ATXN7L1: variants seen among roughly 807,000 people sequenced by gnomAD.
ATXN7L1 encodes ataxin 7 like 1, also known as ataxin-7-like protein 1.
Under a neutral mutation model 70.8 loss-of-function variants are expected in ATXN7L1, and 15 were observed. The ratio of observed to expected loss-of-function variants is 0.21; its 90% CI spans 0.14 to 0.33. The LOEUF (loss-of-function observed/expected upper bound fraction) is 0.33, where lower values mean the gene tolerates loss of function less well. Among genes scored for constraint, ATXN7L1 ranks in the 10% least tolerant of loss-of-function variants. The pLI, the probability that ATXN7L1 is intolerant of heterozygous loss-of-function variation, is 1.00. For missense variants in ATXN7L1, 975 were observed against 1,097.1 expected, an observed-to-expected ratio of 0.89 and a Z score of 1.57; for synonymous variants, 440 against 445.1, an observed-to-expected ratio of 0.99 and a Z score of 0.14.
intron 3 of ATXN7L1, among the ~76,000 whole-genome samples, chr7:105,770,170 A>T (rs1217336831): frequency 6.6e-6 from 1 of 152,218 alleles, no homozygotes; most frequent in African/African-American, 2.4e-5. Flanking sequence ...CTTACGGCAA[A>T]AGCCTGCCTG....
intron 2 of ATXN7L1, among the ~76,000 whole-genome samples, chr7:105,867,081 C>T (rs570283053): frequency 4.1e-4 from 63 of 152,304 alleles, no homozygotes; most frequent in African/African-American, 7.2e-4. Context: ...GCAGCAGAGA[C>T]GGCAGGCCCC....
chr7:105,629,707 G>T (rs1467474346), intron 7 of ATXN7L1, among the ~76,000 whole-genome samples: 1 of 151,560 alleles, frequency 6.6e-6, no homozygotes, highest in South Asian at 2.1e-4. Context: ...TAGTAGAGAT[G>T]GGATTAAGCC....
chr7:105,715,694 A>G (rs540663269), intron 3 of ATXN7L1, among the ~76,000 whole-genome samples: 1 of 152,362 alleles, frequency 6.6e-6, no homozygotes, highest in African/African-American at 2.4e-5. Context: ...TTTTGTTCTC[A>G]TCTCTGTGAC....
At chr7:105,820,343 G>A (rs551098226) in intron 2 of ATXN7L1, among the ~76,000 whole-genome samples, 5 of 152,124 alleles carry the variant, frequency 3.3e-5, no homozygotes, top group Non-Finnish European at 7.4e-5. Context: ...TGACTTTCTA[G>A]AGCGCAAGGC....
chr7:105,625,301 A>G (rs1180659317), intron 7 of ATXN7L1, among the ~76,000 whole-genome samples: 1 of 152,190 alleles, frequency 6.6e-6, no homozygotes, highest in Admixed American at 6.5e-5. Flanking sequence ...CCCAGGCTGG[A>G]GTACAGTGGT....
At chr7:105,758,792 T>C (rs919524258) in intron 3 of ATXN7L1, among the ~76,000 whole-genome samples, 28 of 152,380 alleles carry the variant, frequency 1.8e-4, no homozygotes, top group Admixed American at 1.8e-3. Flanking sequence ...GCCTTAGCCT[T>C]CCTTCTTAGC....
chr7:105,644,879 C>T (rs1798757797), intron 4 of ATXN7L1, among the ~76,000 whole-genome samples: 2 of 152,212 alleles, frequency 1.3e-5, no homozygotes, highest in Admixed American at 6.5e-5. Flanking sequence ...CCCAAGTGTC[C>T]ATCAATGGAT....
chr7:105,829,969 C>A (rs1467947664), intron 2 of ATXN7L1, among the ~76,000 whole-genome samples: 1 of 152,194 alleles, frequency 6.6e-6, no homozygotes, highest in East Asian at 1.9e-4. Flanking sequence ...TGGGGGCAAG[C>A]CTTCTAAGTA....
chr7:105,660,674 C>T (rs1404158508), intron 4 of ATXN7L1, among the ~76,000 whole-genome samples: 1 of 150,658 alleles, frequency 6.6e-6, no homozygotes, highest in Non-Finnish European at 1.5e-5. Flanking sequence ...CCTCCGCCTC[C>T]AGGGTTCAAG....
At chr7:105,838,767 CG>C (rs1321665022) in intron 2 of ATXN7L1, among the ~76,000 whole-genome samples, 1 of 152,172 alleles carries the variant, frequency 6.6e-6, no homozygotes. Flanking sequence ...GGAAATGACC[CG>C]AACTCCTGGA....
At chr7:105,671,047 C>T (rs1167263524) in intron 3 of ATXN7L1, among the ~76,000 whole-genome samples, 3 of 144,246 alleles carry the variant, frequency 2.1e-5, no homozygotes, top group Admixed American at 7.4e-5. Flanking sequence ...GCAGAGCTTG[C>T]AGTGAGCCAA....
At chr7:105,619,140 G>GTTTTTATTTTTTTTTTTTTT (rs1794384009) in intron 9 of ATXN7L1, among the ~76,000 whole-genome samples, 1 of 49,846 alleles carries the variant, frequency 2.0e-5, no homozygotes, top group Non-Finnish European at 3.3e-5. Flanking sequence ...GAAATCTTTA[G>GTTTTTATTTTTTTTTTTTTT]TTTTTTTTTT....
At chr7:105,828,658 C>A (rs2116581066) in intron 2 of ATXN7L1, among the ~76,000 whole-genome samples, 1 of 152,206 alleles carries the variant, frequency 6.6e-6, no homozygotes, top group African/African-American at 2.4e-5. Context: ...TTTTTCCATG[C>A]AAAAAGTTTC....
chr7:105,692,148 T>C (rs1056845724), intron 3 of ATXN7L1, among the ~76,000 whole-genome samples: 2 of 151,942 alleles, frequency 1.3e-5, no homozygotes, highest in Non-Finnish European at 2.9e-5. Flanking sequence ...TGGGTAGTTT[T>C]CAGAGAGAAC....
chr7:105,614,985 A>T lies in ATXN7L1; in HGVS notation c.1518-169T>A, dbSNP rs1793655650. On this transcript the variant is annotated intron_variant, in intron 9 of 11. Coordinates refer to ENST00000419735, the MANE Select transcript of ATXN7L1 (RefSeq NM_020725.2). This position sits in a 1 kb window ranked among gnomAD's most constrained non-coding sequence, Gnocchi z 4.3. ...AGAATCTGAAGCATGGCCCCTCCTT[A>T]TGGCACCCCCCATTGCAACATCCAG... is the stretch of plus-strand genomic sequence containing the variant. 6.6e-6 allele frequency among the ~76,000 whole-genome samples: 1 copy of T among 152,056 alleles called. No homozygotes were observed. Among genetic ancestry groups the T allele is most frequent in the African/African-American group, 2.4e-5 (1 of 41,406 alleles).
intron 3 of ATXN7L1, among the ~76,000 whole-genome samples, chr7:105,677,537 GT>G (rs1804870801): frequency 1.3e-5 from 2 of 152,194 alleles, no homozygotes; most frequent in South Asian, 4.1e-4. Context: ...TTAGCACAGG[GT>G]TTTGCCCTCA....
intron 3 of ATXN7L1, among the ~76,000 whole-genome samples, chr7:105,731,434 CT>C (rs34234302): frequency 0.08 from 10,676 of 134,126 alleles, 305 homozygotes; most frequent in South Asian, 0.15. Flanking sequence ...CTTCTTACTC[CT>C]TTTTTTTTTT....
intron 3 of ATXN7L1, chr7:105,788,079 C>T (rs1804580856): frequency 6.5e-6 from 1 of 153,074 alleles, no homozygotes; most frequent in Admixed American, 6.4e-5. Flanking sequence ...AGTTCCCAAC[C>T]CCACCTGGGA....
chr7:105,688,101 C>T (rs548472569), intron 3 of ATXN7L1, among the ~76,000 whole-genome samples: 30 of 152,200 alleles, frequency 2.0e-4, no homozygotes, highest in East Asian at 1.9e-3. Context: ...TTGTTGTTGC[C>T]GGCTAGACCA....
Sources: gnomAD v4.1 joint callset for allele counts (sites outside exome capture counted in the v4.1 genomes callset) on GRCh38, gnomAD v4.1.1 for gene constraint, Gnocchi (gnomAD v3.1) non-coding constraint, MANE v1.5 for transcripts, NCBI Gene and HGNC (gene_info 2026-07-23, HGNC 2026-07-21) for gene names.